The following NR2E1 variants were observed in gnomAD, a reference collection of about 807,000 sequenced individuals.
NR2E1 encodes nuclear receptor TLX.
Under a neutral mutation model 43.6 loss-of-function variants are expected in NR2E1, and 5 were observed. The observed-to-expected ratio is 0.11, with a 90% confidence interval of 0.06 to 0.24. The LOEUF (loss-of-function observed/expected upper bound fraction) is 0.24. NR2E1 is among the 10% of genes least tolerant of loss of function. The pLI, the probability that NR2E1 is intolerant of heterozygous loss-of-function variation, is 1.00. For missense variants in NR2E1, 287 were observed against 496.7 expected, an observed-to-expected ratio of 0.58 and a Z score of 4.01; for synonymous variants, 191 against 195.5, an observed-to-expected ratio of 0.98 and a Z score of 0.19.
chr6:108,184,926 G>T (rs942603258), intron 8 of NR2E1, among the ~76,000 whole-genome samples: 1 of 152,076 alleles, frequency 6.6e-6, no homozygotes, highest in Admixed American at 6.6e-5. Context: ...TGGAATTATG[G>T]AATTTCTTAT....
chr6:108,178,301 C>T, intron 5 of NR2E1, 60 bp downstream of exon 5: 1 of 1,586,222 alleles, frequency 6.3e-7, no homozygotes, highest in Non-Finnish European at 8.7e-7. Context: ...TAGCACTCAG[C>T]CTTATAAAAC....
At chr6:108,187,179 A>G in intron 8 of NR2E1, 122 bp from the exon 9 acceptor site, 1 of 1,160,032 alleles carries the variant, frequency 8.6e-7, no homozygotes, top group South Asian at 1.2e-5. Flanking sequence ...TGCTGCAGGG[A>G]TACTGTGTTA....
chr6:108,176,629 C>A lies in NR2E1; in HGVS notation c.386C>A (p.Ala129Asp). The A allele has an allele frequency of 6.2e-7, 1 of 1,610,778 alleles. No homozygotes were observed. Among genetic ancestry groups the A allele is most frequent in the Non-Finnish European group, 8.5e-7 (1 of 1,179,468 alleles). Reference protein sequence around the residue: ...HFPSAALPAPAFFTAVTQLEP... With the variant: ...HFPSAALPAPDFFTAVTQLEP... ...CCCTCGGCGGCGCTCCCTGCGCCGG[C>A]CTTCTTCACCGCGGTCACGCAGCTG... Residue 129 changes from alanine to aspartate, a missense_variant, in exon 4 of 9, where the codon GCC becomes GAC. By Grantham distance (126) the Ala-to-Asp change is moderately radical (BLOSUM62 -2). Around this residue, in one of 4 missense-constraint regions of NR2E1, gnomAD observed 119 missense variants for 155.7 expected, o/e 0.76. Coordinates refer to ENST00000368986, the MANE Select transcript of NR2E1 (RefSeq NM_003269.5).
intron 1 of NR2E1, among the ~76,000 whole-genome samples, chr6:108,167,748 G>T (rs927301115): frequency 5.9e-5 from 9 of 151,974 alleles, no homozygotes; most frequent in African/African-American, 2.2e-4. Flanking sequence ...AAGTTGCCTT[G>T]CTGCTTGTGT....
At chr6:108,168,024 G>A (rs1358961996) in intron 1 of NR2E1, 2 of 1,591,762 alleles carry the variant, frequency 1.3e-6, no homozygotes, top group Non-Finnish European at 1.7e-6. Flanking sequence ...AAGAAAAGGA[G>A]AAATGTTTCG....
At chr6:108,174,768 C>T in intron 2 of NR2E1, 68 bp from the exon 3 acceptor site, 1 of 1,386,980 alleles carries the variant, frequency 7.2e-7, no homozygotes, top group Non-Finnish European at 1.0e-6. Flanking sequence ...TTTCCCCGCC[C>T]GGGTGCCGGC....
chr6:108,174,182 G>A (rs555763582), intron 2 of NR2E1, among the ~76,000 whole-genome samples: 3 of 152,166 alleles, frequency 2.0e-5, no homozygotes, highest in African/African-American at 7.2e-5. Context: ...CACCTGGGCC[G>A]AGGCTAGTCT....
intron 4 of NR2E1, among the ~76,000 whole-genome samples, chr6:108,177,632 ATGAT>A (rs1276238327): frequency 6.6e-6 from 1 of 152,270 alleles, no homozygotes; most frequent in Non-Finnish European, 1.5e-5. Context: ...TGCTCTGTGA[ATGAT>A]TAAGATGTCT....
rs754088744 is a variant in NR2E1, at chr6:108,176,594, C to T, written c.351C>T (p.Ala117=). The T allele has an allele frequency of 1.2e-6, 2 of 1,612,816 alleles. No individual in the cohort carries two copies. The highest frequency in any genetic ancestry group is 2.2e-5 in the East Asian group (1 of 44,868). The part of the protein sequence containing the change: ...FRGHKEENGA[A]AHFPSAALPA... ...GACACAAGGAGGAGAACGGGGCCGCCGCGCACTTTCCCTCGGCGGCGCTCC... is the reference window on the plus strand; with the variant it reads ...GACACAAGGAGGAGAACGGGGCCGCTGCGCACTTTCCCTCGGCGGCGCTCC... Residue 117 remains alanine, a synonymous_variant, in exon 4 of 9, where the codon GCC becomes GCT. Coordinates refer to ENST00000368986, the MANE Select transcript of NR2E1 (RefSeq NM_003269.5).
At chr6:108,171,066 G>T (rs1773803325) in intron 1 of NR2E1, among the ~76,000 whole-genome samples, 1 of 151,942 alleles carries the variant, frequency 6.6e-6, no homozygotes, top group African/African-American at 2.4e-5. Context: ...GTCTCCTCGC[G>T]CGCTCACTAA....
At chr6:108,175,079 G>A (rs1158485365) in intron 3 of NR2E1, among the ~76,000 whole-genome samples, 156 bp downstream of exon 3, 1 of 152,216 alleles carries the variant, frequency 6.6e-6, no homozygotes, top group Non-Finnish European at 1.5e-5. Flanking sequence ...TATCCTTCCC[G>A]TCTTTCAGCA....
At chr6:108,181,989 G>C (rs1210382169) in intron 8 of NR2E1, among the ~76,000 whole-genome samples, 1 of 152,174 alleles carries the variant, frequency 6.6e-6, no homozygotes, top group Non-Finnish European at 1.5e-5. Context: ...TGTAATCCCA[G>C]CACTTTGGGA....
chr6:108,168,417 C>T (rs537011527), intron 1 of NR2E1, among the ~76,000 whole-genome samples: 1 of 152,170 alleles, frequency 6.6e-6, no homozygotes, highest in Non-Finnish European at 1.5e-5. Flanking sequence ...GCCTCAGAGG[C>T]GAGGGAGGGG....
Position 108,181,559 on chromosome 6 carries a change from T to A in NR2E1, c.903T>A (p.Ser301Arg), listed in dbSNP as rs747565090. The A allele has an allele frequency of 1.2e-6, 2 of 1,613,736 alleles. No homozygotes were observed. Among genetic ancestry groups the A allele is most frequent in the African/African-American group, 2.7e-5 (2 of 74,926 alleles). The stretch of plus-strand genomic sequence containing the variant: ...CTTCATTTCTAGTTCCTACACATAG[T>A]GGTTCTGAACTGAGAAGTTTCCGGA... The part of the protein sequence containing the change: ...IVTFKAVPTH[S>R]GSELRSFRNA... Residue 301 changes from serine to arginine, a missense_variant, in exon 8 of 9, where the codon AGT becomes AGA. This residue lies in a region of NR2E1 where 119 missense variants were observed against 187.0 expected (regional missense o/e 0.64). Transcript: ENST00000368986.
rs896606599 is a variant in NR2E1 at position 108,187,665 on chromosome 6, G to A, written c.*202G>A. The A allele has an allele frequency of 3.4e-6, 2 of 586,896 alleles. No homozygotes were observed. Among genetic ancestry groups the A allele is most frequent in the African/African-American group, 1.9e-5 (1 of 53,820 alleles). 36.4% of individuals were successfully genotyped at this position (586,896 alleles called of 1,614,324 possible). ...CAGGATAGGGCGGGTGGGAAGGAGA[G>A]GGGTGCAACAGGACCGCCTGCACTG... On this transcript the variant is annotated 3_prime_UTR_variant, in exon 9 of 9. Coordinates refer to ENST00000368986, the MANE Select transcript of NR2E1 (RefSeq NM_003269.5).
At chr6:108,175,558 G>T (rs1773882188) in intron 3 of NR2E1, among the ~76,000 whole-genome samples, 2 of 152,230 alleles carry the variant, frequency 1.3e-5, no homozygotes, top group Non-Finnish European at 2.9e-5. Context: ...GCTCTTAAGC[G>T]CGCAACAGCA....
chr6:108,178,306 T>TCCCTGGG, intron 5 of NR2E1, 65 bp downstream of exon 5: 1 of 1,576,312 alleles, frequency 6.3e-7, no homozygotes, highest in Non-Finnish European at 8.7e-7. Flanking sequence ...CTCAGCCTTA[T>TCCCTGGG]AAAACTTCCT....
chr6:108,171,578 C>T lies in NR2E1; in HGVS notation c.146C>T (p.Thr49Ile). Residue 49 changes from threonine (T) to isoleucine (I), a missense_variant, in exon 2 of 9, where the codon ACC (threonine) becomes ATC (isoleucine). Around this residue, in one of 4 missense-constraint regions of NR2E1, gnomAD observed 46 missense variants for 132.3 expected, o/e 0.35. Coordinates refer to ENST00000368986, the MANE Select transcript of NR2E1 (RefSeq NM_003269.5). The stretch of plus-strand genomic sequence containing the variant: ...AAACGGAGCATCCGAAGGAATAGGA[C>T]CTATGTCTGCAAATCTGGAAACCAG... ...FFKRSIRRNR[T>I]YVCKSGNQGG... The T allele has an allele frequency of 1.2e-6, 2 of 1,614,118 alleles. No homozygotes were observed. Among genetic ancestry groups the T allele is most frequent in the Non-Finnish European group, 1.7e-6 (2 of 1,180,050 alleles).
intron 8 of NR2E1, 87 bp from the exon 9 acceptor site, chr6:108,187,214 C>T: frequency 7.0e-7 from 1 of 1,438,258 alleles, no homozygotes; most frequent in Non-Finnish European, 9.8e-7. Flanking sequence ...ATCAGCAATG[C>T]TGGAGATGAT....
Sources: gnomAD v4.1 joint callset for allele counts (sites outside exome capture counted in the v4.1 genomes callset) on GRCh38, gnomAD v4.1.1 for gene constraint, gnomAD v4.1.1 regional missense constraint, MANE v1.5 for transcripts, NCBI Gene and HGNC (gene_info 2026-07-23, HGNC 2026-07-21) for gene names.